The following DOCK3 variants were observed in gnomAD, a reference collection of about 807,000 sequenced individuals.
The protein encoded by DOCK3 is dedicator of cytokinesis 3.
Under a neutral mutation model 265.6 loss-of-function variants are expected in DOCK3, and 60 were observed. The observed-to-expected ratio is 0.23, with a 90% CI of 0.18 to 0.28. The LOEUF (loss-of-function observed/expected upper bound fraction) is 0.28, where lower values mean the gene tolerates loss of function less well. DOCK3 is among the 10% of genes least tolerant of loss of function. The pLI is 1.00. For synonymous variants in DOCK3, 881 were observed against 938.0 expected, an observed-to-expected ratio of 0.94 and a Z score of 1.11; for missense variants, 1,981 against 2,594.3, an observed-to-expected ratio of 0.76 and a Z score of 5.14.
chr3:50,833,680 G>C (rs1372512508), intron 2 of DOCK3, among the ~76,000 whole-genome samples: 1 of 152,020 alleles, frequency 6.6e-6, no homozygotes, highest in Non-Finnish European at 1.5e-5. Flanking sequence ...TATGAGGTCA[G>C]TTTTCCCATG....
chr3:50,946,965 A>G (rs1458261842), intron 5 of DOCK3, among the ~76,000 whole-genome samples: 2 of 152,192 alleles, frequency 1.3e-5, no homozygotes, highest in Admixed American at 6.5e-5. Flanking sequence ...TTTAACTTCT[A>G]AACTTTTTAT....
intron 5 of DOCK3, among the ~76,000 whole-genome samples, chr3:50,946,999 T>A (rs1575591319): frequency 6.6e-6 from 1 of 152,258 alleles, no homozygotes; most frequent in East Asian, 1.9e-4. Flanking sequence ...TAAATCCTGT[T>A]AACAACAGGA....
At chr3:51,129,994 AC>A (rs2084449241) in intron 9 of DOCK3, among the ~76,000 whole-genome samples, 1 of 152,244 alleles carries the variant, frequency 6.6e-6, no homozygotes, top group Non-Finnish European at 1.5e-5. Flanking sequence ...AAGTAGGCCC[AC>A]TAGGCATTGT....
intron 2 of DOCK3, among the ~76,000 whole-genome samples, chr3:50,804,681 T>A (rs984241599): frequency 6.8e-6 from 1 of 147,216 alleles, no homozygotes; most frequent in South Asian, 2.1e-4. Context: ...TGAGCCAAGA[T>A]GGCGGCACTA....
At chr3:51,295,027 C>T (rs533835452) in intron 27 of DOCK3, among the ~76,000 whole-genome samples, 18 of 152,144 alleles carry the variant, frequency 1.2e-4, no homozygotes, top group African/African-American at 4.3e-4. Flanking sequence ...TATTATTTGT[C>T]AATTAAAATA....
intron 2 of DOCK3, among the ~76,000 whole-genome samples, chr3:50,781,908 C>T (rs2041937063): frequency 6.6e-6 from 1 of 152,176 alleles, no homozygotes; most frequent in African/African-American, 2.4e-5. Flanking sequence ...TGTTAGTTTG[C>T]TAAGGATAAT....
intron 10 of DOCK3, among the ~76,000 whole-genome samples, chr3:51,150,438 A>G (rs1290015515): frequency 1.3e-5 from 2 of 152,078 alleles, no homozygotes; most frequent in Non-Finnish European, 2.9e-5. Context: ...TAGGGTGTCA[A>G]TTTTAGATCT....
chr3:50,792,297 C>T (rs1351468353), intron 2 of DOCK3, among the ~76,000 whole-genome samples: 1 of 151,978 alleles, frequency 6.6e-6, no homozygotes. Flanking sequence ...GATTTTTGCA[C>T]GTAGATTTTG....
chr3:50,838,745 G>A (rs1322093271), intron 2 of DOCK3, among the ~76,000 whole-genome samples: 8 of 152,170 alleles, frequency 5.3e-5, no homozygotes, highest in Non-Finnish European at 1.2e-4. Flanking sequence ...TAATGATTTG[G>A]GAGATATTTT....
chr3:50,973,079 TCCAA>T (rs2077300068), intron 5 of DOCK3, among the ~76,000 whole-genome samples: 1 of 75,428 alleles, frequency 1.3e-5, no homozygotes, highest in Non-Finnish European at 2.9e-5. Flanking sequence ...TTTTTGCAGT[TCCAA>T]CCTTTTATTT....
chr3:50,863,617 G>C (rs1270972355), intron 3 of DOCK3, among the ~76,000 whole-genome samples: 1 of 152,018 alleles, frequency 6.6e-6, no homozygotes, highest in Non-Finnish European at 1.5e-5. Context: ...CTTTTTCTCA[G>C]TTTTTCTTTT....
chr3:50,801,756 G>A (rs544663504), intron 2 of DOCK3, among the ~76,000 whole-genome samples: 34 of 152,250 alleles, frequency 2.2e-4, no homozygotes, highest in African/African-American at 7.5e-4. Flanking sequence ...CCCATTGTTG[G>A]TTTTCTGTCA....
At chr3:51,352,296 A>G (rs1323182062) in intron 40 of DOCK3, among the ~76,000 whole-genome samples, 2 of 152,202 alleles carry the variant, frequency 1.3e-5, no homozygotes, top group Non-Finnish European at 2.9e-5. Flanking sequence ...ACTATAAAAC[A>G]TCATTATTTT....
intron 49 of DOCK3, 117 bp downstream of exon 49, chr3:51,362,791 C>T: frequency 2.0e-5 from 28 of 1,411,322 alleles, no homozygotes; most frequent in Non-Finnish European, 2.7e-5. Context: ...AGAGAATACT[C>T]ATTTGTGCTT....
chr3:51,325,295 C>A (rs927702081), intron 32 of DOCK3, among the ~76,000 whole-genome samples: 3 of 151,914 alleles, frequency 2.0e-5, no homozygotes, highest in African/African-American at 7.3e-5. Context: ...ATGTGGCCAA[C>A]AAACATATGT....
intron 5 of DOCK3, among the ~76,000 whole-genome samples, chr3:50,998,860 G>A (rs915059580): frequency 2.0e-5 from 3 of 152,170 alleles, no homozygotes; most frequent in African/African-American, 4.8e-5. Context: ...CCTGCAGTGT[G>A]ATTAAAAAGA....
At chr3:51,348,687 G>A (rs1241944064) in intron 38 of DOCK3, among the ~76,000 whole-genome samples, 165 bp from the exon 39 acceptor site, 1 of 152,206 alleles carries the variant, frequency 6.6e-6, no homozygotes, top group South Asian at 2.1e-4. Context: ...AAAGCCACAC[G>A]GCTGTGTCAT....
chr3:51,100,610 G>A (rs1283208294), intron 9 of DOCK3, among the ~76,000 whole-genome samples: 2 of 152,074 alleles, frequency 1.3e-5, no homozygotes, highest in Non-Finnish European at 2.9e-5. Flanking sequence ...CAGGAGAAAT[G>A]GAGATTATAG....
At chr3:51,115,243 T>G (rs2083683783) in intron 9 of DOCK3, among the ~76,000 whole-genome samples, 1 of 152,230 alleles carries the variant, frequency 6.6e-6, no homozygotes, top group East Asian at 1.9e-4. Context: ...ATGGTTGAAC[T>G]ACTTTACACT....
Sources: gnomAD v4.1 joint callset for allele counts (sites outside exome capture counted in the v4.1 genomes callset) on GRCh38, gnomAD v4.1.1 for gene constraint, MANE v1.5 for transcripts, NCBI Gene and HGNC (gene_info 2026-07-23, HGNC 2026-07-21) for gene names.